ENPEP: variants seen among roughly 807,000 people sequenced by gnomAD.
ENPEP encodes the protein AP-A.
Under a neutral mutation model 114.5 loss-of-function variants are expected in ENPEP, and 103 were observed. The observed-to-expected ratio is 0.90, with a 90% CI of 0.77 to 1.06. ENPEP has a LOEUF of 1.06. Ranked by LOEUF, ENPEP falls within the 50% of genes least tolerant of loss-of-function variation. The pLI is 0.00. For synonymous variants in ENPEP, 420 were observed against 422.0 expected (o/e 1.00, Z 0.06); for missense variants, 1,196 against 1,161.3 (o/e 1.03, Z -0.43).
intron 11 of ENPEP, among the ~76,000 whole-genome samples, chr4:110,542,045 A>G (rs1253257367): frequency 6.6e-6 from 1 of 152,180 alleles, no homozygotes; most frequent in Non-Finnish European, 1.5e-5. Context: ...TGCTAATTTG[A>G]TAAATCCATT....
chr4:110,499,966 A>G (rs1413011781), intron 3 of ENPEP: 1 of 152,202 alleles, frequency 6.6e-6, no homozygotes, highest in Non-Finnish European at 1.5e-5. Flanking sequence ...TAAGTTCTCA[A>G]TAATAAGACT....
chr4:110,504,737 A>G (rs1725305681), intron 3 of ENPEP, among the ~76,000 whole-genome samples: 1 of 152,242 alleles, frequency 6.6e-6, no homozygotes, highest in Non-Finnish European at 1.5e-5. Flanking sequence ...CAACAGAAAT[A>G]CAAAAAAAGA....
intron 18 of ENPEP, among the ~76,000 whole-genome samples, chr4:110,555,247 A>G (rs1727430215): frequency 1.3e-5 from 2 of 152,128 alleles, no homozygotes; most frequent in East Asian, 3.9e-4. Context: ...CATGTCTAAT[A>G]CACACAAACA....
intron 3 of ENPEP, among the ~76,000 whole-genome samples, chr4:110,499,168 C>T (rs943762035): frequency 2.0e-5 from 3 of 152,172 alleles, no homozygotes; most frequent in Non-Finnish European, 4.4e-5. Flanking sequence ...TAAGGAAGTA[C>T]GCACACAGAA....
chr4:110,494,734 C>G (rs1044463654), intron 3 of ENPEP, among the ~76,000 whole-genome samples: 2 of 152,188 alleles, frequency 1.3e-5, no homozygotes, highest in Admixed American at 6.5e-5. Context: ...AGTCTTTTCA[C>G]TCTTCATATT....
In ENPEP at chr4:110,506,624, TTTTG is replaced by T; in HGVS notation, c.919-9_919-6del. ...AATAATTTTCACTGAATTTTTTGTG[TTTTG>T]TTTAATAGCTTACAATTTATGTCCA... On this transcript the variant is annotated splice_polypyrimidine_tract_variant and intron_variant, in intron 3 of 19. Coordinates refer to ENST00000265162, the MANE Select transcript of ENPEP (RefSeq NM_001977.4). The T allele has an allele frequency of 6.3e-7, 1 of 1,580,190 alleles. No homozygotes were observed. Among genetic ancestry groups the T allele is most frequent in the South Asian group, 1.2e-5 (1 of 84,828 alleles).
At position 110,548,312 on chromosome 4, in the gene ENPEP, T is replaced by C. The variant is rs1177488275; in HGVS notation, c.2137T>C (p.Tyr713His). Reference sequence around the variant, plus strand: ...CATGTTTGAAGATGATAAAGAGCTATATCCTATGATTGAGGTGACGTTAAT... The same window carrying C: ...CATGTTTGAAGATGATAAAGAGCTACATCCTATGATTGAGGTGACGTTAAT... Reference protein sequence around the residue: ...ISMFEDDKELYPMIEEYFQGQ... With the variant: ...ISMFEDDKELHPMIEEYFQGQ... Residue 713 changes from tyrosine (Y) to histidine (H), a missense_variant, in exon 14 of 20, where the codon TAT becomes CAT. By Grantham distance (83) the Tyr-to-His change is moderately conservative. Transcript: ENST00000265162. 2 of 1,587,450 alleles carry C rather than the reference T, an allele frequency of 1.3e-6. No homozygotes were observed. Among genetic ancestry groups the C allele is most frequent in the South Asian group, 1.2e-5 (1 of 85,396 alleles).
At chr4:110,534,317 C>G (rs1382765214) in intron 11 of ENPEP, among the ~76,000 whole-genome samples, 3 of 152,106 alleles carry the variant, frequency 2.0e-5, no homozygotes, top group Non-Finnish European at 4.4e-5. Context: ...AAGAGAACCT[C>G]TATTATAAAA....
rs915463280 is a variant in ENPEP at position 110,477,015 on chromosome 4, G to A, written c.601G>A (p.Val201Met). The stretch of plus-strand genomic sequence containing the variant: ...CGCCGGCTGGCTGAACGGCTCCCTC[G>A]TGGGATTTTATAGAACCACCTACAC... Reference protein sequence around the residue: ...EFAGWLNGSLVGFYRTTYTEN... With the variant: ...EFAGWLNGSLMGFYRTTYTEN... Residue 201 changes from valine (V) to methionine (M), a missense_variant, in exon 1 of 20, where the codon GTG becomes ATG. Val to Met is a conservative substitution (Grantham distance 21). Coordinates refer to ENST00000265162, the MANE Select transcript of ENPEP (RefSeq NM_001977.4). The A allele has an allele frequency of 3.1e-6, 5 of 1,614,036 alleles. No homozygotes were observed. The African/African-American group carries it at 5.3e-5, about 17-fold the overall frequency.
chr4:110,554,808 A>G (rs73839640), intron 18 of ENPEP, among the ~76,000 whole-genome samples: 1,541 of 152,118 alleles, frequency 0.01, 31 homozygotes, highest in African/African-American at 0.035. Context: ...ATGTAGATGA[A>G]GCATAAAAGT....
At chr4:110,502,296 C>T (rs1325338175) in intron 3 of ENPEP, among the ~76,000 whole-genome samples, 2 of 152,006 alleles carry the variant, frequency 1.3e-5, no homozygotes, top group Non-Finnish European at 2.9e-5. Flanking sequence ...AGTCCATTTG[C>T]CTACTTATGG....
rs191608032 is a variant in ENPEP at position 110,548,998 on chromosome 4, A to G, written c.2152-348A>G. 2.7e-3 allele frequency among the ~76,000 whole-genome samples: 404 copies of G among 152,210 alleles called. 1 individual carries two copies. Among genetic ancestry groups the G allele is most frequent in the African/African-American group, 8.9e-3 (372 of 41,574 alleles). ...AAAGTGCTTTGTAAAACCTAAAGCA[A>G]TATCAGTTATTTTTATTATTTCATA... On this transcript the variant is annotated intron_variant, in intron 14 of 19. Coordinates refer to ENST00000265162, the MANE Select transcript of ENPEP (RefSeq NM_001977.4).
chr4:110,501,659 C>A (rs77825283), intron 3 of ENPEP, among the ~76,000 whole-genome samples: 5,929 of 152,162 alleles, frequency 0.039, 376 homozygotes, highest in African/African-American at 0.13. Context: ...GTATATATAC[C>A]ACATTTTATT....
rs1726393892 is a variant in ENPEP, at chr4:110,531,232, G to A, written c.1762G>A (p.Asp588Asn). 2.0e-6 allele frequency: 3 copies of A among 1,465,208 alleles called. No homozygotes were observed. The highest frequency in any genetic ancestry group is 1.4e-5 in the African/African-American group (1 of 70,584). The allele number at this position is 1,465,208 out of a possible 1,614,324, so 90.8% of individuals were successfully genotyped here. The change falls in exon 11 of 20, where the codon GAT becomes AAT. Residue 588 changes from aspartate (D) to asparagine (N), a missense_variant. By Grantham distance (23) the Asp-to-Asn change is conservative (BLOSUM62 1). Coordinates refer to ENST00000265162, the MANE Select transcript of ENPEP (RefSeq NM_001977.4). ...GAATATCCCAGTTAAATGGACTGAAGATAATATAACAAGCAGTGTGTTATT... is the reference window on the plus strand; with the variant it reads ...GAATATCCCAGTTAAATGGACTGAAAATAATATAACAAGCAGTGTGTTATT... The part of the protein sequence containing the change: ...TWNIPVKWTE[D>N]NITSSVLFNR...
At chr4:110,549,172 T>C (rs974950841) in intron 14 of ENPEP, among the ~76,000 whole-genome samples, 174 bp from the exon 15 acceptor site, 4 of 152,064 alleles carry the variant, frequency 2.6e-5, no homozygotes, top group African/African-American at 9.7e-5. Context: ...TTTTCAGGAT[T>C]GAAAAAAATT....
intron 2 of ENPEP, 127 bp downstream of exon 2, chr4:110,488,809 G>A (rs1293597823): frequency 2.4e-6 from 3 of 1,273,118 alleles, no homozygotes; most frequent in African/African-American, 1.5e-5. Context: ...AGTTTATTTA[G>A]CTGAGTGAAA....
chr4:110,481,377 T>G (rs1578388736), intron 1 of ENPEP, among the ~76,000 whole-genome samples: 1 of 151,670 alleles, frequency 6.6e-6, no homozygotes, highest in Admixed American at 6.6e-5. Flanking sequence ...GATTACAGGG[T>G]TTTCAGAGGC....
chr4:110,495,226 A>G (rs919099447), intron 3 of ENPEP, among the ~76,000 whole-genome samples: 2 of 152,210 alleles, frequency 1.3e-5, no homozygotes, highest in African/African-American at 4.8e-5. Context: ...TTTTAAAATT[A>G]TAGGTTTAAT....
intron 10 of ENPEP, among the ~76,000 whole-genome samples, chr4:110,525,600 TA>T (rs1726165849): frequency 6.6e-6 from 1 of 152,244 alleles, no homozygotes; most frequent in African/African-American, 2.4e-5. Flanking sequence ...ATATATAAAT[TA>T]TTGTAAGATC....
Sources: allele counts gnomAD v4.1 joint callset (sites outside exome capture counted in the v4.1 genomes callset), GRCh38; gene constraint gnomAD v4.1.1; transcripts MANE v1.5; gene names NCBI Gene and HGNC (gene_info 2026-07-23, HGNC 2026-07-21).